The following HHLA2 variants were observed in gnomAD, a reference collection of about 807,000 sequenced individuals.
HHLA2 encodes HHLA2 member of B7 family.
HHLA2 carries 48 observed loss-of-function variants against 45.9 expected under a neutral mutation model. The ratio of observed to expected loss-of-function variants is 1.05; its 90% CI spans 0.83 to 1.33. The LOEUF is 1.33. Ranked by LOEUF, HHLA2 falls within the 40% of genes most tolerant of loss-of-function variation. The pLI, the probability that HHLA2 is intolerant of heterozygous loss-of-function variation, is 0.00. For synonymous variants in HHLA2, 161 were observed against 173.9 expected, an observed-to-expected ratio of 0.93 and a Z score of 0.59; for missense variants, 462 against 494.3, an observed-to-expected ratio of 0.93 and a Z score of 0.62.
chr3:108,324,183 C>T (rs1306426413), intron 2 of HHLA2, among the ~76,000 whole-genome samples: 1 of 152,274 alleles, frequency 6.6e-6, no homozygotes, highest in South Asian at 2.1e-4. Context: ...AGCCCCTTCT[C>T]ATAAATACCA....
At position 108,355,383 on chromosome 3, in the gene HHLA2, T is replaced by G. The variant is rs773418577; in HGVS notation, c.685+2T>G. 5 of 1,611,724 alleles carry G rather than the reference T, an allele frequency of 3.1e-6. No homozygotes were observed. In the East Asian group the frequency reaches 8.9e-5, roughly 29 times the overall value. The stretch of plus-strand genomic sequence containing the variant: ...GGACAGGGCGCTGGACGATGAAAGG[T>G]AGGCTCCACAGGACTTTCTGTGTAC... On this transcript the variant is annotated splice_donor_variant, in intron 6 of 10. Coordinates refer to ENST00000619531, the Ensembl canonical transcript of HHLA2. LOFTEE classifies it high-confidence loss of function.
intron 8 of HHLA2, among the ~76,000 whole-genome samples, chr3:108,374,231 G>GGATTC (rs2082232211): frequency 6.6e-6 from 1 of 150,444 alleles, no homozygotes; most frequent in Non-Finnish European, 1.5e-5. Context: ...AATGGGGAAA[G>GGATTC]GATTCCCTAT....
intron 2 of HHLA2, among the ~76,000 whole-genome samples, chr3:108,313,363 G>C (rs2081051741): frequency 6.6e-6 from 1 of 152,126 alleles, no homozygotes; most frequent in South Asian, 2.1e-4. Flanking sequence ...CCCAACCATT[G>C]GGAACTATGC....
intron 1 of HHLA2, chr3:108,302,535 ATT>A (rs2080866902): frequency 6.6e-6 from 1 of 152,098 alleles, no homozygotes; most frequent in Non-Finnish European, 1.5e-5. Context: ...TTTCAGTTTC[ATT>A]TTGTTTTCCC....
chr3:108,329,641 G>A (rs144748283), intron 3 of HHLA2, among the ~76,000 whole-genome samples: 184 of 152,206 alleles, frequency 1.2e-3, no homozygotes, highest in Non-Finnish European at 2.2e-3. Context: ...ACTGGGTCCG[G>A]TCCAGAGGCT....
chr3:108,351,965 A>T (rs1259764172), intron 4 of HHLA2, 88 bp downstream of exon 3: 4 of 842,416 alleles, frequency 4.7e-6, no homozygotes, highest in Non-Finnish European at 7.9e-6. Context: ...TTTCCTCCAT[A>T]GCCACAGCAT....
chr3:108,375,739 C>G lies in HHLA2; in HGVS notation c.1109-11C>G. 6.2e-7 allele frequency: 1 copy of G among 1,609,812 alleles called. No homozygotes were observed. The highest frequency in any genetic ancestry group is 2.2e-5 in the East Asian group (1 of 44,722). ...TACCTAATTTCACTCTTCCCTGTCT[C>G]TGATCTACAGCCCAGCTAGAAGCCA... On this transcript the variant is annotated splice_polypyrimidine_tract_variant and intron_variant, in intron 8 of 10. Coordinates refer to ENST00000619531, the Ensembl canonical transcript of HHLA2.
At chr3:108,348,647 TC>T (rs1389765608) in intron 3 of HHLA2, among the ~76,000 whole-genome samples, 3 of 101,066 alleles carry the variant, frequency 3.0e-5, no homozygotes, top group African/African-American at 1.0e-4. Flanking sequence ...GGGACAAATT[TC>T]TTTTTTTTTT....
chr3:108,332,822 G>A (rs2081409612), intron 3 of HHLA2, among the ~76,000 whole-genome samples: 1 of 152,112 alleles, frequency 6.6e-6, no homozygotes. Context: ...CCTGAAGCTG[G>A]TTTATGTAGC....
intron 3 of HHLA2, 63 bp from the exon 3 acceptor site, chr3:108,351,725 T>G: frequency 1.0e-6 from 1 of 983,706 alleles, no homozygotes; most frequent in Non-Finnish European, 1.6e-6. Flanking sequence ...AATGTACCAC[T>G]CTTTTCCAAT....
intron 1 of HHLA2, among the ~76,000 whole-genome samples, chr3:108,298,731 C>T (rs143679974): frequency 5.3e-5 from 8 of 152,330 alleles, no homozygotes; most frequent in Admixed American, 5.2e-4. Flanking sequence ...AATGTCCCCT[C>T]AGAGGCTCAT....
In HHLA2 at chr3:108,349,929, A is replaced by G. The variant is rs561424975; in HGVS notation, c.-26-1859A>G. On this transcript the variant is annotated intron_variant, in intron 3 of 10. Coordinates refer to ENST00000619531, the Ensembl canonical transcript of HHLA2. ...GGGAAGATGAACCTCTAGCAAGACA[A>G]TGGACATGGAATGTTTCAGGGTTAC... Among the ~76,000 whole-genome samples, 4 of 152,326 alleles carry G rather than the reference A, an allele frequency of 2.6e-5. No homozygotes were observed. In the East Asian group the frequency reaches 5.8e-4, roughly 22 times the overall value.
intron 7 of HHLA2, among the ~76,000 whole-genome samples, chr3:108,360,999 C>T (rs1030463996): frequency 6.6e-6 from 1 of 152,204 alleles, no homozygotes; most frequent in East Asian, 1.9e-4. Context: ...CCTTTGTGCT[C>T]TAATGCTTGC....
intron 3 of HHLA2, among the ~76,000 whole-genome samples, chr3:108,342,461 C>T (rs577515420): frequency 3.6e-4 from 55 of 152,014 alleles, no homozygotes; most frequent in Middle Eastern, 6.8e-3. Context: ...GACAGGGTTT[C>T]GCCATGTTGA....
At chr3:108,309,788 T>C (rs527417749) in intron 1 of HHLA2, among the ~76,000 whole-genome samples, 137 of 152,200 alleles carry the variant, frequency 9.0e-4, no homozygotes, top group African/African-American at 3.1e-3. Context: ...AATTACTATT[T>C]TTTCCCCCAT....
At chr3:108,302,993 A>G (rs1036572917) in intron 1 of HHLA2, among the ~76,000 whole-genome samples, 1 of 152,142 alleles carries the variant, frequency 6.6e-6, no homozygotes, top group African/African-American at 2.4e-5. Flanking sequence ...TTCTCCACCC[A>G]TGCCCCATCT....
At position 108,355,328 on chromosome 3, in the gene HHLA2, C is replaced by A. The variant is rs1469207871; in HGVS notation, c.632C>A (p.Thr211Lys). ...GGATCAAATTCATCTTATGAATGTA[C>A]AATTGAAAATTCACTGCTGAAGCAA... Residue 211 changes from threonine to lysine, a missense_variant, in exon 6 of 11, where the codon ACA (threonine) becomes AAA (lysine). Transcript: ENST00000619531. The A allele has an allele frequency of 3.7e-6, 6 of 1,613,822 alleles. No individual in the cohort carries two copies. The East Asian group carries it at 1.1e-4, about 30-fold the overall frequency.
chr3:108,318,594 C>A (rs1422603742), intron 2 of HHLA2, among the ~76,000 whole-genome samples: 1 of 152,146 alleles, frequency 6.6e-6, no homozygotes, highest in Non-Finnish European at 1.5e-5. Flanking sequence ...CCCCCAACAT[C>A]TTTTTCTTCG....
At chr3:108,363,480 G>A (rs1278524000) in intron 8 of HHLA2, among the ~76,000 whole-genome samples, 2 of 152,168 alleles carry the variant, frequency 1.3e-5, no homozygotes, top group Non-Finnish European at 2.9e-5. Flanking sequence ...TGCCCCTGCT[G>A]AAGTTAGGAG....
Sources: allele counts gnomAD v4.1 joint callset (sites outside exome capture counted in the v4.1 genomes callset), GRCh38; gene constraint gnomAD v4.1.1; transcripts MANE v1.5; gene names NCBI Gene and HGNC (gene_info 2026-07-23, HGNC 2026-07-21).